The following TTN variants were observed in gnomAD, a reference collection of about 807,000 sequenced individuals.
TTN encodes the protein titin, also known as connectin.
A neutral mutation model predicts 3,223.0 loss-of-function variants in TTN; 1,525 were observed. The ratio of observed to expected loss-of-function variants is 0.47; its 90% CI spans 0.45 to 0.49. TTN has a LOEUF of 0.49. TTN is among the 20% of genes least tolerant of loss of function. TTN has a pLI of 0.00. For missense variants in TTN, 40,786 were observed against 43,424.0 expected, an observed-to-expected ratio of 0.94 and a Z score of 5.40; for synonymous variants, 14,094 against 15,161.0, an observed-to-expected ratio of 0.93 and a Z score of 5.17.
Position 178,636,024 on chromosome 2 carries a change from T to C in TTN, c.41547A>G (p.Thr13849=). 6.2e-7 allele frequency: 1 copy of C among 1,612,972 alleles called. No homozygotes were observed. The highest frequency in any genetic ancestry group is 2.2e-5 in the East Asian group (1 of 44,790). The change falls in exon 226 of 363, where the codon ACA becomes ACG. Residue 13849 remains threonine (T), a synonymous_variant. Coordinates refer to ENST00000589042, the MANE Select transcript of TTN (RefSeq NM_001267550.2). The surrounding 1 kb of genome is among the most constrained non-coding windows in gnomAD (Gnocchi z 4.3). ...INDADDTDAG[T]YTVTVENANN... is the part of the protein sequence containing the mutation. ...TGGCGTTTTCCACAGTAACTGTGTA[T>C]GTTCCAGCATCTGTGTCATCTGCAT...
Position 178,581,822 on chromosome 2 carries a change from T to C in TTN, c.66464-18A>G. ...AGGAGGATCTGAGAATAAATAATGA[T>C]AGGAAATTTTCATGAAAACTTCCTT... On this transcript the variant is annotated intron_variant, in intron 315 of 362. Transcript: ENST00000589042. The C allele has an allele frequency of 6.3e-7, 1 of 1,594,568 alleles. No homozygotes were observed. The highest frequency in any genetic ancestry group is 8.5e-7 in the Non-Finnish European group (1 of 1,172,022).
chr2:178,674,368 TTTC>T lies in TTN; in HGVS notation c.34651_34653del (p.Glu11551del), dbSNP rs2067599623. On this transcript the variant is annotated inframe_deletion, in exon 151 of 363. Coordinates refer to ENST00000589042, the MANE Select transcript of TTN (RefSeq NM_001267550.2). ...TCTATGCTAGGTGGTTCTTCTGGGA[TTTC>T]TTCTTCTGAAATAGGCTCTTCTTCA... 2 of 1,596,916 alleles carry T rather than the reference TTTC, an allele frequency of 1.3e-6. No individual in the cohort carries two copies. Among genetic ancestry groups the T allele is most frequent in the African/African-American group, 1.3e-5 (1 of 74,478 alleles).
At chr2:178,769,602 T>C in intron 37 of TTN, 77 bp downstream of exon 37, 7 of 1,285,204 alleles carry the variant, frequency 5.4e-6, no homozygotes, top group Non-Finnish European at 5.2e-6. Context: ...GTGTAGGATA[T>C]AGAATATCAA....
Position 178,775,485 on chromosome 2 carries a change from A to G in TTN, c.6379T>C (p.Tyr2127His). The G allele has an allele frequency of 6.2e-7, 1 of 1,614,036 alleles. No homozygotes were observed. Among genetic ancestry groups the G allele is most frequent in the Non-Finnish European group, 8.5e-7 (1 of 1,179,988 alleles). ...KIERSDRIYW[Y>H]WPEDNVCELV... ...TCACAAACATTGTCTTCGGGCCAGT[A>G]CCAGTAGATCCGGTCAGACCGTTCA... The change falls in exon 28 of 363, where the codon TAC (tyrosine) becomes CAC (histidine). Residue 2127 changes from tyrosine to histidine, a missense_variant. By Grantham distance (83) the Tyr-to-His change is moderately conservative. Coordinates refer to ENST00000589042, the MANE Select transcript of TTN (RefSeq NM_001267550.2).
At chr2:178,778,059 C>T (rs2092417437) in intron 24 of TTN, 84 bp from the exon 25 acceptor site, 1 of 1,525,566 alleles carries the variant, frequency 6.6e-7, no homozygotes, top group Non-Finnish European at 8.8e-7. Flanking sequence ...ATTCATTATT[C>T]ATGTTATTTT....
At position 178,771,352 on chromosome 2, in the gene TTN, G is replaced by A; in HGVS notation, c.7975C>T (p.Leu2659=). 1 of 1,614,030 alleles carries A rather than the reference G, an allele frequency of 6.2e-7. No individual in the cohort carries two copies. Among genetic ancestry groups the A allele is most frequent in the Non-Finnish European group, 8.5e-7 (1 of 1,179,992 alleles). ...CTTCTGATGTTGTTAGTCAGTGGTA[G>A]GTGTTTGCCATCCCTCAACCATTCG... The part of the protein sequence containing the change: ...KGEWLRDGKH[L]PLTNNIRSES... Residue 2659 remains leucine (L), a synonymous_variant, in exon 34 of 363, where the codon CTA becomes TTA. Coordinates refer to ENST00000589042, the MANE Select transcript of TTN (RefSeq NM_001267550.2).
At chr2:178,699,521 C>G (rs1480671199) in intron 111 of TTN, among the ~76,000 whole-genome samples, 1 of 142,670 alleles carries the variant, frequency 7.0e-6, no homozygotes, top group Admixed American at 7.0e-5. Context: ...ACACCATTCT[C>G]CTGCCTCAGC....
rs762504227 is a variant in TTN, at chr2:178,572,991, C to A, written c.73141G>T (p.Ala24381Ser). Residue 24381 changes from alanine (A) to serine (S), a missense_variant, in exon 326 of 363, where the codon GCA becomes TCA. Transcript: ENST00000589042. The stretch of plus-strand genomic sequence containing the variant: ...AGGCCAGTGATAGTATACGAAGTTG[C>A]CTTGAGTCCTGCTGGTGGAGTGACA... ...QIVTPPAGLK[A>S]TSYTITGLTE... The A allele has an allele frequency of 6.2e-7, 1 of 1,613,090 alleles. No homozygotes were observed. The highest frequency in any genetic ancestry group is 1.1e-5 in the South Asian group (1 of 91,038).
In TTN at chr2:178,574,630, C is replaced by T. The variant is rs1160399359; in HGVS notation, c.71502G>A (p.Gln23834=). 1.9e-6 allele frequency: 3 copies of T among 1,612,930 alleles called. No individual in the cohort carries two copies. The highest frequency in any genetic ancestry group is 3.3e-5 in the Admixed American group (2 of 59,956). Residue 23834 remains glutamine (Q), a synonymous_variant, in exon 326 of 363, where the codon CAG becomes CAA. Transcript: ENST00000589042. ...FKVPGPPGTP[Q]VTAVTKDSMT... ...TTGAATCCTTGGTAACTGCAGTTAC[C>T]TGAGGGGTACCAGGAGGTCCAGGAA...
intron 347 of TTN, 31 bp downstream of exon 347, chr2:178,543,038 T>A: frequency 1.0e-6 from 1 of 981,592 alleles, no homozygotes; most frequent in Non-Finnish European, 1.4e-6. Flanking sequence ...TTACTTTACT[T>A]TTTTTTTTTT....
At chr2:178,613,663 A>G in intron 263 of TTN, 88 bp downstream of exon 263, 1 of 1,365,354 alleles carries the variant, frequency 7.3e-7, no homozygotes, top group Non-Finnish European at 9.8e-7. Context: ...TTAGTAATAT[A>G]TAATCATCTG....
At chr2:178,729,597 C>T (rs1287293509) in intron 63 of TTN, 31 bp from the exon 64 acceptor site, 7 of 1,612,644 alleles carry the variant, frequency 4.3e-6, no homozygotes, top group Non-Finnish European at 5.1e-6. Context: ...CAGTAGCTTA[C>T]TCAAGGGAAG....
At position 178,704,275 on chromosome 2, in the gene TTN, C is replaced by T; in HGVS notation, c.30095G>A (p.Gly10032Asp). ...GTGTTCCACTTCTGTTTTATGTCTA[C>T]CTTGGGGTTTAAGGATTCTGCCATT... is the stretch of plus-strand genomic sequence containing the variant. ...FRNGRILKPQGRHKTEVEHKV... is the reference protein window; with the variant it reads ...FRNGRILKPQDRHKTEVEHKV... Residue 10032 changes from glycine (G) to aspartate (D), a missense_variant, in exon 106 of 363, where the codon GGT becomes GAT. Coordinates refer to ENST00000589042, the MANE Select transcript of TTN (RefSeq NM_001267550.2). 1 of 1,613,910 alleles carries T rather than the reference C, an allele frequency of 6.2e-7. No homozygotes were observed. Among genetic ancestry groups the T allele is most frequent in the Non-Finnish European group, 8.5e-7 (1 of 1,179,864 alleles).
At chr2:178,527,357 A>T (rs770404448) in intron 362 of TTN, 50 bp from the exon 363 acceptor site, 33 of 1,561,804 alleles carry the variant, frequency 2.1e-5, no homozygotes, top group African/African-American at 4.1e-5. Flanking sequence ...TGAAAAAAAT[A>T]AAGATTTGCT....
intron 13 of TTN, among the ~76,000 whole-genome samples, chr2:178,788,341 C>G (rs1450514157): frequency 6.6e-6 from 1 of 151,888 alleles, no homozygotes; most frequent in Non-Finnish European, 1.5e-5. Flanking sequence ...TTAACAAAAA[C>G]AAGATAGTCA....
chr2:178,684,993 T>C lies in TTN; in HGVS notation c.32471-4A>G, dbSNP rs1229164108. The C allele has an allele frequency of 6.3e-7, 1 of 1,591,810 alleles. No individual in the cohort carries two copies. Among genetic ancestry groups the C allele is most frequent in the Non-Finnish European group, 8.6e-7 (1 of 1,165,864 alleles). On this transcript the variant is annotated splice_region_variant and splice_polypyrimidine_tract_variant and intron_variant, in intron 129 of 362. Coordinates refer to ENST00000589042, the MANE Select transcript of TTN (RefSeq NM_001267550.2). Reference sequence around the variant, plus strand: ...ATTTTCTTAGGTGCTTCAGGAACTTTAGAAAGATTAGGTTTAAGAATATGA... The same window carrying C: ...ATTTTCTTAGGTGCTTCAGGAACTTCAGAAAGATTAGGTTTAAGAATATGA...
chr2:178,611,276 A>G lies in TTN; in HGVS notation c.50858-5T>C. The stretch of plus-strand genomic sequence containing the variant: ...CCAGGTCAATTGTTGGCTTGCCTGT[A>G]AGATATCATTCAAAAGAGCAAAAAA... On this transcript the variant is annotated splice_polypyrimidine_tract_variant and splice_region_variant and intron_variant, in intron 269 of 362. Transcript: ENST00000589042. The G allele has an allele frequency of 6.2e-7, 1 of 1,611,520 alleles. No homozygotes were observed. The highest frequency in any genetic ancestry group is 8.5e-7 in the Non-Finnish European group (1 of 1,178,974).
chr2:178,784,485 T>C, intron 15 of TTN, 134 bp from the exon 16 acceptor site: 1 of 1,091,606 alleles, frequency 9.2e-7, no homozygotes, highest in Non-Finnish European at 1.3e-6. Flanking sequence ...TATCACACAG[T>C]TAATGAAAAG....
chr2:178,688,669 T>A lies in TTN; in HGVS notation c.32197+8A>T. On this transcript the variant is annotated splice_region_variant and intron_variant, in intron 126 of 362. Coordinates refer to ENST00000589042, the MANE Select transcript of TTN (RefSeq NM_001267550.2). Reference sequence around the variant, plus strand: ...AACTCATTTATCCCCTGACTTCCGATTATATACCTTCGTGCCGCGTGACTT... The same window carrying A: ...AACTCATTTATCCCCTGACTTCCGAATATATACCTTCGTGCCGCGTGACTT... 1 of 1,600,010 alleles carries A rather than the reference T, an allele frequency of 6.2e-7. No individual in the cohort carries two copies. Among genetic ancestry groups the A allele is most frequent in the Non-Finnish European group, 8.6e-7 (1 of 1,167,160 alleles).
Sources: gnomAD v4.1 joint callset for allele counts (sites outside exome capture counted in the v4.1 genomes callset) on GRCh38, gnomAD v4.1.1 for gene constraint, Gnocchi (gnomAD v3.1) non-coding constraint, MANE v1.5 for transcripts, NCBI Gene and HGNC (gene_info 2026-07-23, HGNC 2026-07-21) for gene names.